Variants in TMEM117 observed in about 807,000 individuals in gnomAD.
The protein encoded by TMEM117 is transmembrane protein 117.
A neutral mutation model predicts 52.4 loss-of-function variants in TMEM117; 27 were observed. The observed-to-expected ratio is 0.51, with a 90% CI of 0.38 to 0.71. The LOEUF is 0.71. Ranked by LOEUF, TMEM117 falls within the 30% of genes least tolerant of loss-of-function variation. The pLI is 0.00. For missense variants in TMEM117, 556 were observed against 630.5 expected (o/e 0.88, Z 1.26); for synonymous variants, 215 against 206.3 (o/e 1.04, Z -0.36).
chr12:44,393,039 G>A (rs1361665236), downstream of TMEM117, among the ~76,000 whole-genome samples: 2 of 152,072 alleles, frequency 1.3e-5, no homozygotes, highest in Non-Finnish European at 2.9e-5. Flanking sequence ...CCTAGAGAGA[G>A]ATTCTGAAAA....
intron 3 of TMEM117, among the ~76,000 whole-genome samples, chr12:44,033,516 T>C (rs1048055148): frequency 2.0e-5 from 3 of 152,242 alleles, no homozygotes; most frequent in Admixed American, 1.3e-4. Context: ...TTCCATAATA[T>C]GTCCTTGATA....
At chr12:44,011,180 A>G (rs1393949554) in intron 3 of TMEM117, among the ~76,000 whole-genome samples, 1 of 152,180 alleles carries the variant, frequency 6.6e-6, no homozygotes, top group African/African-American at 2.4e-5. Context: ...TCTAGAAAAA[A>G]GAGTTCCTTT....
intron 5 of TMEM117, among the ~76,000 whole-genome samples, chr12:44,280,213 G>C: frequency 6.6e-6 from 1 of 152,076 alleles, no homozygotes; most frequent in East Asian, 1.9e-4. Flanking sequence ...GCTGACTGTT[G>C]TTAATCCCTG....
intron 4 of TMEM117, among the ~76,000 whole-genome samples, chr12:44,150,112 G>A (rs1333024217): frequency 6.6e-6 from 1 of 152,076 alleles, no homozygotes; most frequent in Non-Finnish European, 1.5e-5. Flanking sequence ...TTAACCTCAT[G>A]TTTGGTACAT....
chr12:44,217,167 T>G (rs11613064), intron 5 of TMEM117, among the ~76,000 whole-genome samples: 15,784 of 152,134 alleles, frequency 0.1, 929 homozygotes, highest in Middle Eastern at 0.2. Flanking sequence ...TCAGGGGAAA[T>G]GTCAGGCAGA....
chr12:44,041,766 T>A (rs1469012803), intron 3 of TMEM117, among the ~76,000 whole-genome samples: 1 of 152,050 alleles, frequency 6.6e-6, no homozygotes, highest in Non-Finnish European at 1.5e-5. Context: ...AAAAAGCCAA[T>A]CCACCATGAT....
chr12:44,150,701 A>G (rs529756968), intron 4 of TMEM117, among the ~76,000 whole-genome samples: 3 of 152,244 alleles, frequency 2.0e-5, no homozygotes, highest in African/African-American at 7.2e-5. Flanking sequence ...TTTGTGTTTC[A>G]TGTTCCTTCA....
At chr12:44,033,327 G>A (rs901965362) in intron 3 of TMEM117, among the ~76,000 whole-genome samples, 26 of 152,250 alleles carry the variant, frequency 1.7e-4, no homozygotes, top group South Asian at 6.2e-4. Context: ...TCTGTCTATC[G>A]AGTAGCCATT....
chr12:44,042,904 T>A (rs1413026655), intron 3 of TMEM117, among the ~76,000 whole-genome samples: 1 of 152,102 alleles, frequency 6.6e-6, no homozygotes, highest in East Asian at 1.9e-4. Flanking sequence ...TGGAGTTCTT[T>A]CATTGGTTTT....
chr12:44,257,653 C>T (rs1218432681), intron 5 of TMEM117, among the ~76,000 whole-genome samples: 5 of 152,082 alleles, frequency 3.3e-5, no homozygotes, highest in Admixed American at 2.6e-4. Context: ...CCTTTGGCAT[C>T]CTAAAGCCAA....
intron 6 of TMEM117, among the ~76,000 whole-genome samples, chr12:44,358,806 C>T (rs1951684859): frequency 6.6e-6 from 1 of 152,102 alleles, no homozygotes; most frequent in Non-Finnish European, 1.5e-5. Context: ...AAGCAGCAAC[C>T]TCCTCCCACT....
chr12:44,372,615 GAA>G (rs1951880589), intron 6 of TMEM117, among the ~76,000 whole-genome samples: 1 of 150,260 alleles, frequency 6.7e-6, no homozygotes, highest in South Asian at 2.1e-4. Flanking sequence ...AAAAACAAAA[GAA>G]AGAAAGAAAA....
chr12:43,959,514 T>C (rs1592394470), intron 3 of TMEM117, among the ~76,000 whole-genome samples: 1 of 152,232 alleles, frequency 6.6e-6, no homozygotes, highest in Non-Finnish European at 1.5e-5. Context: ...TCAGTAATGC[T>C]TTCTGATCCC....
rs149271953 is a variant in TMEM117, at chr12:44,121,986, C to T, written c.411-21539C>T. The stretch of plus-strand genomic sequence containing the variant: ...TTCTGTTCCTGTGTTAATTCACTTA[C>T]GGTAATAGCCTCCAGCTCCATCCAT... On this transcript the variant is annotated intron_variant, in intron 3 of 7. Coordinates refer to ENST00000266534, the MANE Select transcript of TMEM117 (RefSeq NM_032256.3). Among the ~76,000 whole-genome samples the T allele has an allele frequency of 4.5e-3, 681 of 151,774 alleles. 10 individuals carry two copies. Among genetic ancestry groups the T allele is most frequent in the East Asian group, 0.035 (180 of 5,168 alleles).
rs1347264591 is a variant in TMEM117 at position 44,245,186 on chromosome 12, C to T, written c.608+33799C>T. Among the ~76,000 whole-genome samples the T allele has an allele frequency of 2.0e-5, 3 of 151,838 alleles. No individual in the cohort carries two copies. In the East Asian group the frequency reaches 5.8e-4, roughly 29 times the overall value. On this transcript the variant is annotated intron_variant, in intron 5 of 7. Coordinates refer to ENST00000266534, the MANE Select transcript of TMEM117 (RefSeq NM_032256.3). ...TGACTATTCAGAGTCTTTTGTGATTCCATACACATTTTAGAGTTTTTAGAG... is the reference window on the plus strand; with the variant it reads ...TGACTATTCAGAGTCTTTTGTGATTTCATACACATTTTAGAGTTTTTAGAG...
the TMEM117 span, among the ~76,000 whole-genome samples, chr12:44,399,107 G>C: frequency 6.6e-6 from 1 of 152,096 alleles, no homozygotes; most frequent in Non-Finnish European, 1.5e-5. Flanking sequence ...TTATAACAAG[G>C]ATATGCTGAG....
intron 1 of TMEM117, among the ~76,000 whole-genome samples, chr12:43,838,292 G>T (rs1398281438): frequency 6.6e-6 from 1 of 151,972 alleles, no homozygotes; most frequent in Non-Finnish European, 1.5e-5. Flanking sequence ...GACCAGGTAG[G>T]TTGGAAAGTA....
At chr12:43,985,417 T>C (rs1213345221) in intron 3 of TMEM117, among the ~76,000 whole-genome samples, 1 of 152,160 alleles carries the variant, frequency 6.6e-6, no homozygotes, top group Non-Finnish European at 1.5e-5. Context: ...AAAGAAACAC[T>C]GAAAAACAAA....
At chr12:44,030,725 C>G (rs1000697645) in intron 3 of TMEM117, among the ~76,000 whole-genome samples, 8 of 152,092 alleles carry the variant, frequency 5.3e-5, no homozygotes, top group Non-Finnish European at 8.8e-5. Context: ...AAGGTCAACA[C>G]CAAGGTCTGA....
Sources: allele counts gnomAD v4.1 joint callset (sites outside exome capture counted in the v4.1 genomes callset), GRCh38; gene constraint gnomAD v4.1.1; transcripts MANE v1.5; gene names NCBI Gene and HGNC (gene_info 2026-07-23, HGNC 2026-07-21).